Variants in CYP39A1 observed in about 807,000 individuals in gnomAD.
CYP39A1 encodes 24-hydroxycholesterol 7-alpha-hydroxylase.
CYP39A1 carries 49 observed loss-of-function variants against 58.1 expected under a neutral mutation model. The observed-to-expected ratio is 0.84, with a 90% CI of 0.67 to 1.07. The LOEUF is 1.07. CYP39A1 is among the 50% of genes least tolerant of loss of function. The probability of loss-of-function intolerance (pLI) is 0.00; values close to 1 mark genes in which losing one functional copy is unlikely to be tolerated. For synonymous variants in CYP39A1, 209 were observed against 187.6 expected (o/e 1.11, Z -0.93); for missense variants, 531 against 539.4 (o/e 0.98, Z 0.16).
At chr6:46,551,134 G>C (rs529113932) in intron 11 of CYP39A1, among the ~76,000 whole-genome samples, 43 of 152,058 alleles carry the variant, frequency 2.8e-4, no homozygotes, top group Non-Finnish European at 5.3e-4. Flanking sequence ...GGAAAGATGA[G>C]GTGGATCCAA....
At chr6:46,614,416 AC>A (rs1774406814) in intron 7 of CYP39A1, among the ~76,000 whole-genome samples, 1 of 152,190 alleles carries the variant, frequency 6.6e-6, no homozygotes, top group Admixed American at 6.5e-5. Context: ...TCACACAAGA[AC>A]CGGCTGGATT....
chr6:46,640,454 A>G (rs1446870104), intron 2 of CYP39A1, among the ~76,000 whole-genome samples: 1 of 152,108 alleles, frequency 6.6e-6, no homozygotes, highest in African/African-American at 2.4e-5. Context: ...TCCTAACCCC[A>G]TGAATAGCTT....
rs754009455 is a variant in CYP39A1, at chr6:46,625,418, C to A, written c.931G>T (p.Gly311Cys). The A allele has an allele frequency of 6.2e-7, 1 of 1,602,306 alleles. No homozygotes were observed. Among genetic ancestry groups the A allele is most frequent in the Non-Finnish European group, 8.5e-7 (1 of 1,173,292 alleles). Residue 311 changes from glycine to cysteine, a missense_variant and splice_region_variant, in exon 7 of 12, where the codon GGC (glycine) becomes TGC (cysteine). Physicochemically the swap from Gly to Cys is radical, Grantham distance 159 (BLOSUM62 -3). Coordinates refer to ENST00000275016, the MANE Select transcript of CYP39A1 (RefSeq NM_016593.5). Reference sequence around the variant, plus strand: ...CTTCCTATATAATAAGGTTTAGTACCTGCTTTGCCAAACACAGAAGATATG... The same window carrying A: ...CTTCCTATATAATAAGGTTTAGTACATGCTTTGCCAAACACAGAAGATATG... ...EGISSVFGKA[G>C]KDKIKVSEDD... is the part of the protein sequence containing the mutation.
chr6:46,647,619 C>A (rs1582474287), intron 1 of CYP39A1, among the ~76,000 whole-genome samples: 1 of 152,248 alleles, frequency 6.6e-6, no homozygotes, highest in African/African-American at 2.4e-5. Flanking sequence ...CTTTATTGAG[C>A]AAATATTTTT....
intron 2 of CYP39A1, among the ~76,000 whole-genome samples, chr6:46,640,933 A>G (rs1362111464): frequency 6.6e-6 from 1 of 152,030 alleles, no homozygotes; most frequent in African/African-American, 2.4e-5. Context: ...TCCTGAGCAT[A>G]CATCTTCTCT....
chr6:46,620,989 C>T (rs1000694939), intron 7 of CYP39A1, among the ~76,000 whole-genome samples: 3 of 152,090 alleles, frequency 2.0e-5, no homozygotes, highest in Admixed American at 6.6e-5. Context: ...AAAGTTGTTA[C>T]ATTCTATTAT....
At chr6:46,590,443 AAGG>A (rs1251994455) in intron 8 of CYP39A1, among the ~76,000 whole-genome samples, 1 of 152,200 alleles carries the variant, frequency 6.6e-6, no homozygotes, top group Non-Finnish European at 1.5e-5. Context: ...CTTAAAGAGA[AAGG>A]AGGAGTCCAG....
intron 1 of CYP39A1, among the ~76,000 whole-genome samples, chr6:46,650,477 T>G: frequency 7.6e-6 from 1 of 132,114 alleles, no homozygotes; most frequent in African/African-American, 2.8e-5. Flanking sequence ...AATAATGCAG[T>G]CATATTCTTT....
intron 10 of CYP39A1, among the ~76,000 whole-genome samples, chr6:46,567,023 T>G (rs1771328597): frequency 6.6e-6 from 1 of 152,100 alleles, no homozygotes; most frequent in Non-Finnish European, 1.5e-5. Flanking sequence ...ATCTGTTCTC[T>G]TAGCAACTGT....
At position 46,642,241 on chromosome 6, in the gene CYP39A1, C is replaced by G. The variant is rs1487092284; in HGVS notation, c.235G>C (p.Glu79Gln). Residue 79 changes from glutamate to glutamine, a missense_variant, in exon 2 of 12, where the codon GAA becomes CAA. Glu to Gln is a conservative substitution (Grantham distance 29, BLOSUM62 2). Transcript: ENST00000275016. ...TTTAGAAACACATTAATTCCTTCTTCTTCAGTAACAAAGGTCATTCGGTTT... is the reference window on the plus strand; with the variant it reads ...TTTAGAAACACATTAATTCCTTCTTGTTCAGTAACAAAGGTCATTCGGTTT... ...MGNRMTFVTE[E>Q]EGINVFLKSK... The G allele has an allele frequency of 3.1e-6, 5 of 1,612,784 alleles. No homozygotes were observed. The highest frequency in any genetic ancestry group is 3.3e-5 in the Admixed American group (2 of 59,920).
intron 7 of CYP39A1, among the ~76,000 whole-genome samples, chr6:46,622,203 A>G (rs1183307212): frequency 1.3e-5 from 2 of 152,116 alleles, no homozygotes; most frequent in East Asian, 3.8e-4. Flanking sequence ...CCTAATGGGT[A>G]TGGGATTTAT....
intron 10 of CYP39A1, among the ~76,000 whole-genome samples, chr6:46,586,842 T>G (rs551252429): frequency 6.6e-6 from 1 of 152,294 alleles, no homozygotes; most frequent in East Asian, 1.9e-4. Context: ...TGCTTTGATG[T>G]GGCATCTGGC....
In CYP39A1 at chr6:46,631,066, A is replaced by T. The variant is rs765154660; in HGVS notation, c.737T>A (p.Leu246Ter). 1 of 1,612,178 alleles carries T rather than the reference A, an allele frequency of 6.2e-7. No individual in the cohort carries two copies. Among genetic ancestry groups the T allele is most frequent in the African/African-American group, 1.3e-5 (1 of 74,894 alleles). The change falls in exon 6 of 12, where the codon TTA (leucine) becomes TAA (stop). Residue 246 changes from leucine to a stop codon, truncating the protein, a stop_gained. Coordinates refer to ENST00000275016, the MANE Select transcript of CYP39A1 (RefSeq NM_016593.5). LOFTEE classifies it high-confidence loss of function. ...CKSAKDNSMT[L>*]LQATLDIVET... The stretch of plus-strand genomic sequence containing the variant: ...TACAATATCCAGCGTAGCTTGCAAT[A>T]ATGTCTGTTTAAAAGAAATAAACAT...
At chr6:46,625,359 A>G (rs941842852) in intron 7 of CYP39A1, 59 bp downstream of exon 7, 19 of 1,228,640 alleles carry the variant, frequency 1.5e-5, no homozygotes, top group Non-Finnish European at 1.6e-5. Context: ...AGCTTTGCCA[A>G]TAATGTGTGA....
chr6:46,555,817 A>C (rs922324618), intron 10 of CYP39A1, among the ~76,000 whole-genome samples: 1 of 152,216 alleles, frequency 6.6e-6, no homozygotes, highest in African/African-American at 2.4e-5. Context: ...TTTTATTTCA[A>C]ATGAAATCTG....
chr6:46,578,123 A>G (rs932156046), intron 10 of CYP39A1, among the ~76,000 whole-genome samples: 6 of 152,106 alleles, frequency 3.9e-5, no homozygotes, highest in Admixed American at 6.6e-5. Flanking sequence ...TACCAAGAAC[A>G]TCTCTCAAAA....
rs189596124 is a variant in CYP39A1 at position 46,617,661 on chromosome 6, G to A, written c.931+7757C>T. Among the ~76,000 whole-genome samples, 110 of 152,174 alleles carry A rather than the reference G, an allele frequency of 7.2e-4. 2 individuals are homozygous for A. In the East Asian group the frequency reaches 0.012, roughly 17 times the overall value. ...GTCAACTTTCATGCCAAACAAACTA[G>A]GCTCAACTCACACCCCTACCACTTG... is the stretch of plus-strand genomic sequence containing the variant. On this transcript the variant is annotated intron_variant, in intron 7 of 11. Coordinates refer to ENST00000275016, the MANE Select transcript of CYP39A1 (RefSeq NM_016593.5).
At chr6:46,563,245 G>T (rs941187142) in intron 10 of CYP39A1, among the ~76,000 whole-genome samples, 1 of 152,102 alleles carries the variant, frequency 6.6e-6, no homozygotes, top group Non-Finnish European at 1.5e-5. Context: ...AAGAAAACGG[G>T]CCTTGTAAAT....
chr6:46,637,333 T>C (rs1776051807), intron 4 of CYP39A1, among the ~76,000 whole-genome samples: 1 of 152,164 alleles, frequency 6.6e-6, no homozygotes, highest in Non-Finnish European at 1.5e-5. Flanking sequence ...TAGCAACCCA[T>C]ATGGAGAAAG....
Sources: allele counts gnomAD v4.1 joint callset (sites outside exome capture counted in the v4.1 genomes callset), GRCh38; gene constraint gnomAD v4.1.1; transcripts MANE v1.5; gene names NCBI Gene and HGNC (gene_info 2026-07-23, HGNC 2026-07-21).